Variants in GRIN2B observed in about 807,000 individuals in gnomAD.
GRIN2B encodes the protein glutamate ionotropic receptor NMDA type subunit 2B, also known as glutamate receptor ionotropic, NMDA 2B.
GRIN2B carries 5 observed loss-of-function variants against 114.5 expected under a neutral mutation model. The ratio of observed to expected loss-of-function variants is 0.04; its 90% confidence interval spans 0.02 to 0.09. GRIN2B has a LOEUF of 0.09. Among genes scored for constraint, GRIN2B ranks in the 10% least tolerant of loss-of-function variants. The pLI is 1.00. For synonymous variants in GRIN2B, 787 were observed against 745.1 expected (o/e 1.06, Z -0.92); for missense variants, 1,108 against 1,943.5 (o/e 0.57, Z 8.08).
intron 3 of GRIN2B, among the ~76,000 whole-genome samples, chr12:13,816,346 C>T (rs773573717): frequency 2.0e-5 from 3 of 152,168 alleles, no homozygotes; most frequent in Non-Finnish European, 2.9e-5. Flanking sequence ...AACTAATATT[C>T]TCCCCATCCT....
At chr12:13,621,617 T>G (rs866077509) in intron 5 of GRIN2B, among the ~76,000 whole-genome samples, 1,520 of 122,752 alleles carry the variant, frequency 0.012, 180 homozygotes, top group African/African-American at 0.045. Context: ...GTTTTTGTTT[T>G]TTTTTTTTTT....
At chr12:13,940,508 A>C (rs1240953830) in intron 2 of GRIN2B, among the ~76,000 whole-genome samples, 1 of 152,110 alleles carries the variant, frequency 6.6e-6, no homozygotes, top group East Asian at 1.9e-4. Flanking sequence ...AAAATGACGA[A>C]GTGGGAGAAA....
In GRIN2B at chr12:13,652,430, C is replaced by T. The variant is rs112624336; in HGVS notation, c.1125+23315G>A. Among the ~76,000 whole-genome samples, 794 of 151,988 alleles carry T rather than the reference C, an allele frequency of 5.2e-3. 7 individuals carry two copies. The highest frequency in any genetic ancestry group is 0.018 in the African/African-American group (749 of 41,494). On this transcript the variant is annotated intron_variant, in intron 5 of 13. Coordinates refer to ENST00000609686, the MANE Select transcript of GRIN2B (RefSeq NM_000834.5). ...AGGAAAAGCTTGCCAGAGAAGGCAA[C>T]ATTTGAACTGAGCCTTCAAGAACTG...
chr12:13,898,177 A>C (rs1043548430), intron 2 of GRIN2B, among the ~76,000 whole-genome samples: 8 of 152,108 alleles, frequency 5.3e-5, no homozygotes, highest in Non-Finnish European at 1.0e-4. Flanking sequence ...ACAAATCCAC[A>C]GGCTGCAAAT....
At chr12:13,945,918 ATAT>A (rs896673959) in intron 2 of GRIN2B, among the ~76,000 whole-genome samples, 3 of 152,224 alleles carry the variant, frequency 2.0e-5, no homozygotes, top group Non-Finnish European at 4.4e-5. Flanking sequence ...GCCACTGCTC[ATAT>A]TATAACAACA....
chr12:13,980,859 G>A (rs1004511880), intron 1 of GRIN2B, among the ~76,000 whole-genome samples: 1 of 152,168 alleles, frequency 6.6e-6, no homozygotes, highest in Admixed American at 6.5e-5. Context: ...TGTGCACGGG[G>A]TGCACACTGG....
intron 5 of GRIN2B, among the ~76,000 whole-genome samples, chr12:13,638,403 A>G (rs1949684273): frequency 6.6e-6 from 1 of 152,150 alleles, no homozygotes; most frequent in Non-Finnish European, 1.5e-5. Flanking sequence ...ACGTGAATGC[A>G]TAAGTACATA....
chr12:13,639,974 T>A (rs370477939), intron 5 of GRIN2B, among the ~76,000 whole-genome samples: 1 of 152,172 alleles, frequency 6.6e-6, no homozygotes. Context: ...AAAATAGAGA[T>A]GTTGAAGTCA....
chr12:13,614,016 C>CAAAAAAAAAAAAAAA (rs77527098), intron 8 of GRIN2B, among the ~76,000 whole-genome samples: 9 of 92,902 alleles, frequency 9.7e-5, no homozygotes, highest in East Asian at 7.5e-4. Context: ...CCTTGCACAG[C>CAAAAAAAAAAAAAAA]AAAAAAAAAA....
At position 13,863,638 on chromosome 12, in the gene GRIN2B, G is replaced by A. The variant is rs1383769521; in HGVS notation, c.411+2160C>T. On this transcript the variant is annotated intron_variant, in intron 3 of 13. Transcript: ENST00000609686. Reference sequence around the variant, plus strand: ...ACACAGCACTAAGCGCCTAGCATATGGGGAACACTCTCAAAGCCCCTAAGA... The same window carrying A: ...ACACAGCACTAAGCGCCTAGCATATAGGGAACACTCTCAAAGCCCCTAAGA... 2.6e-5 allele frequency among the ~76,000 whole-genome samples: 4 copies of A among 152,166 alleles called. No individual in the cohort carries two copies. In the East Asian group the frequency reaches 5.8e-4, roughly 22 times the overall value.
At chr12:13,591,069 G>C (rs12306487) in intron 10 of GRIN2B, among the ~76,000 whole-genome samples, 1 of 152,164 alleles carries the variant, frequency 6.6e-6, no homozygotes, top group East Asian at 1.9e-4. Flanking sequence ...AGGCATCCTC[G>C]GAGCCAGAGC....
chr12:13,855,793 A>G (rs11833339), intron 3 of GRIN2B, among the ~76,000 whole-genome samples: 9,440 of 152,306 alleles, frequency 0.062, 428 homozygotes, highest in African/African-American at 0.13. Context: ...GGTCACATTT[A>G]TGGTTCCAAG....
intron 3 of GRIN2B, among the ~76,000 whole-genome samples, chr12:13,830,426 T>C (rs576719686): frequency 6.6e-6 from 1 of 152,310 alleles, no homozygotes; most frequent in Non-Finnish European, 1.5e-5. Context: ...AGAGATACCA[T>C]TTCTTTCATT....
intron 5 of GRIN2B, among the ~76,000 whole-genome samples, chr12:13,628,139 A>G (rs185415188): frequency 2.0e-5 from 3 of 152,366 alleles, no homozygotes; most frequent in African/African-American, 7.2e-5. Flanking sequence ...AATGTCTAAT[A>G]AATGATGCTG....
At chr12:13,571,089 C>T (rs1350278808) in intron 11 of GRIN2B, among the ~76,000 whole-genome samples, 1 of 152,192 alleles carries the variant, frequency 6.6e-6, no homozygotes, top group African/African-American at 2.4e-5. Flanking sequence ...CTTTTCCAGA[C>T]CTGGAGCTAC....
At position 13,575,667 on chromosome 12, in the gene GRIN2B, T is replaced by TAAC. The variant is rs757070562; in HGVS notation, c.2011-3706_2011-3704dup. Among the ~76,000 whole-genome samples the TAAC allele has an allele frequency of 6.1e-5, 9 of 146,694 alleles. No homozygotes were observed. In the East Asian group the frequency reaches 8.2e-4, roughly 13 times the overall value. ...GAGCAAGACCCTGTCTCCAAAATGA[T>TAAC]AACAACAATAATAATAATAATAATA... On this transcript the variant is annotated intron_variant, in intron 10 of 13. Coordinates refer to ENST00000609686, the MANE Select transcript of GRIN2B (RefSeq NM_000834.5).
At chr12:13,890,361 T>C (rs1045097142) in intron 2 of GRIN2B, among the ~76,000 whole-genome samples, 15 of 152,204 alleles carry the variant, frequency 9.9e-5, no homozygotes, top group Non-Finnish European at 2.1e-4. Flanking sequence ...TCTAAATCTC[T>C]TACTGATTGC....
chr12:13,568,932 C>T (rs896784331), intron 12 of GRIN2B, among the ~76,000 whole-genome samples: 3 of 152,150 alleles, frequency 2.0e-5, no homozygotes. Context: ...CTAACCCTGC[C>T]TTCTGCCTCT....
intron 2 of GRIN2B, among the ~76,000 whole-genome samples, chr12:13,921,305 T>C (rs1265117796): frequency 6.6e-6 from 1 of 151,982 alleles, no homozygotes; most frequent in Admixed American, 6.6e-5. Flanking sequence ...GGCTGAGGCA[T>C]GAGAATCGCT....
Sources: gnomAD v4.1 joint callset for allele counts (sites outside exome capture counted in the v4.1 genomes callset) on GRCh38, gnomAD v4.1.1 for gene constraint, MANE v1.5 for transcripts, NCBI Gene and HGNC (gene_info 2026-07-23, HGNC 2026-07-21) for gene names.